Variants in PAPPA2 observed in about 807,000 individuals in gnomAD.
PAPPA2 encodes the protein pappalysin-2.
PAPPA2 carries 86 observed loss-of-function variants against 176.4 expected under a neutral mutation model. The ratio of observed to expected loss-of-function variants is 0.49; its 90% CI spans 0.41 to 0.58. The LOEUF is 0.58. PAPPA2 is among the 20% of genes least tolerant of loss of function. The pLI is 0.00. For missense variants in PAPPA2, 2,073 were observed against 2,256.9 expected, an observed-to-expected ratio of 0.92 and a Z score of 1.65; for synonymous variants, 809 against 852.2, an observed-to-expected ratio of 0.95 and a Z score of 0.88.
At chr1:176,693,839 C>T (rs1660233137) in intron 6 of PAPPA2, among the ~76,000 whole-genome samples, 1 of 152,204 alleles carries the variant, frequency 6.6e-6, no homozygotes, top group South Asian at 2.1e-4. Flanking sequence ...GTCGAACTGC[C>T]TGAACAGCAA....
At chr1:176,623,656 T>TTTCTTTCTTTCC (rs1558479215) in intron 3 of PAPPA2, among the ~76,000 whole-genome samples, 1 of 128,836 alleles carries the variant, frequency 7.8e-6, no homozygotes, top group Non-Finnish European at 1.7e-5. Context: ...TCTTTCTTTC[T>TTTCTTTCTTTCC]TTCTTTCTTT....
chr1:176,623,618 C>T (rs904759450), intron 3 of PAPPA2, among the ~76,000 whole-genome samples: 5,281 of 73,560 alleles, frequency 0.072, 254 homozygotes, highest in African/African-American at 0.15. Context: ...TTCCTTCCTT[C>T]CTTCCTTTTT....
rs764059177 is a variant in PAPPA2 at position 176,842,474 on chromosome 1, C to T, written c.*20C>T. ...CAGTAACTGTGGGAACAAGCCCCTC[C>T]CTCCACTGCCTCAGAGGCAGTAAGA... On this transcript the variant is annotated 3_prime_UTR_variant, in exon 23 of 23. Coordinates refer to ENST00000367662, the MANE Select transcript of PAPPA2 (RefSeq NM_020318.3). The T allele has an allele frequency of 7.5e-6, 12 of 1,603,538 alleles. No homozygotes were observed. The highest frequency in any genetic ancestry group is 1.7e-5 in the Admixed American group (1 of 59,834).
intron 2 of PAPPA2, among the ~76,000 whole-genome samples, chr1:176,591,359 G>T (rs1178244475): frequency 6.6e-6 from 1 of 152,086 alleles, no homozygotes; most frequent in African/African-American, 2.4e-5. Context: ...ATGCCTTCTA[G>T]GAATCAAATT....
At chr1:176,691,892 A>G (rs1660134731) in intron 5 of PAPPA2, among the ~76,000 whole-genome samples, 1 of 152,194 alleles carries the variant, frequency 6.6e-6, no homozygotes, top group African/African-American at 2.4e-5. Flanking sequence ...CTTTAAGGTC[A>G]TGACCTTGCT....
intron 3 of PAPPA2, among the ~76,000 whole-genome samples, chr1:176,624,510 T>A (rs770028897): frequency 1.7e-4 from 26 of 152,218 alleles, no homozygotes; most frequent in Admixed American, 6.5e-4. Flanking sequence ...GTTAGCAAGG[T>A]ACTTAAGACC....
chr1:176,743,843 GA>G (rs1443938555), intron 14 of PAPPA2, among the ~76,000 whole-genome samples: 2 of 152,162 alleles, frequency 1.3e-5, no homozygotes, highest in East Asian at 3.8e-4. Context: ...TGAAAAAATT[GA>G]TTGTAACTTC....
At chr1:176,664,326 G>T (rs2102763197) in intron 3 of PAPPA2, among the ~76,000 whole-genome samples, 1 of 152,282 alleles carries the variant, frequency 6.6e-6, no homozygotes, top group Non-Finnish European at 1.5e-5. Context: ...GCTTTGCTTT[G>T]TCCAGTTTCT....
chr1:176,666,796 T>A (rs892728697), intron 3 of PAPPA2, among the ~76,000 whole-genome samples: 1 of 151,840 alleles, frequency 6.6e-6, no homozygotes, highest in South Asian at 2.1e-4. Context: ...GGAGAGGAGA[T>A]GGCCATAAAC....
At chr1:176,597,561 C>T (rs1264583670) in intron 3 of PAPPA2, among the ~76,000 whole-genome samples, 1 of 152,014 alleles carries the variant, frequency 6.6e-6, no homozygotes, top group Non-Finnish European at 1.5e-5. Context: ...GGAAGGATAG[C>T]ATTAGGAGAA....
At chr1:176,729,337 G>C (rs1381812417) in intron 12 of PAPPA2, among the ~76,000 whole-genome samples, 1 of 151,866 alleles carries the variant, frequency 6.6e-6, no homozygotes, top group African/African-American at 2.4e-5. Flanking sequence ...ATATTCCATT[G>C]GTCTTTTCAT....
At position 176,843,544 on chromosome 1, in the gene PAPPA2, C is replaced by A. The variant is rs945909095; in HGVS notation, c.*1090C>A. ...GCCCATTCTCTGATCACCAGGATTA[C>A]AGGAACTCACACACTCCTCATACTT... On this transcript the variant is annotated 3_prime_UTR_variant, in exon 23 of 23. Coordinates refer to ENST00000367662, the MANE Select transcript of PAPPA2 (RefSeq NM_020318.3). 6.6e-6 allele frequency: 1 copy of A among 152,188 alleles called. No individual in the cohort carries two copies. Among genetic ancestry groups the A allele is most frequent in the African/African-American group, 2.4e-5 (1 of 41,438 alleles). 9.4% of individuals were successfully genotyped at this position (152,188 alleles called of 1,614,324 possible).
chr1:176,578,515 C>T (rs1652780068), intron 2 of PAPPA2, among the ~76,000 whole-genome samples: 1 of 152,128 alleles, frequency 6.6e-6, no homozygotes, highest in African/African-American at 2.4e-5. Flanking sequence ...TACAACCCAT[C>T]CTTTCTTGTT....
chr1:176,776,160 G>A (rs1664450421), intron 17 of PAPPA2, among the ~76,000 whole-genome samples: 1 of 151,982 alleles, frequency 6.6e-6, no homozygotes, highest in Non-Finnish European at 1.5e-5. Context: ...CTTGTATTTT[G>A]TCAATAAAAC....
At chr1:176,598,910 T>C (rs1654130452) in intron 3 of PAPPA2, among the ~76,000 whole-genome samples, 1 of 152,160 alleles carries the variant, frequency 6.6e-6, no homozygotes, top group Non-Finnish European at 1.5e-5. Flanking sequence ...CTTAATTTAC[T>C]ACCTTATTTT....
At chr1:176,840,110 T>C (rs1667428611) in intron 21 of PAPPA2, 63 bp from the exon 22 acceptor site, 1 of 1,300,798 alleles carries the variant, frequency 7.7e-7, no homozygotes, top group Non-Finnish European at 1.1e-6. Flanking sequence ...ATGGGAGGAG[T>C]GGCAGAGTCA....
At chr1:176,715,169 C>T (rs991902294) in intron 12 of PAPPA2, among the ~76,000 whole-genome samples, 10 of 152,174 alleles carry the variant, frequency 6.6e-5, no homozygotes, top group East Asian at 1.9e-4. Context: ...ACTAATAATT[C>T]TATCTTTAGT....
At position 176,692,265 on chromosome 1, in the gene PAPPA2, C is replaced by A; in HGVS notation, c.2571C>A (p.Asn857Lys). ...CACCTATGGTCATCGGACAGACCAA[C>A]AAGTCCCTCACTATCCACTGGCTGC... is the stretch of plus-strand genomic sequence containing the variant. ...PIPPMVIGQT[N>K]KSLTIHWLPP... Residue 857 changes from asparagine (N) to lysine (K), a missense_variant, in exon 6 of 23, where the codon AAC becomes AAA. Around this residue, in one of 4 missense-constraint regions of PAPPA2, gnomAD observed 1,196 missense variants for 1,330.4 expected, o/e 0.90. Transcript: ENST00000367662. 1.2e-6 allele frequency: 2 copies of A among 1,614,062 alleles called. No individual in the cohort carries two copies. The highest frequency in any genetic ancestry group is 1.7e-6 in the Non-Finnish European group (2 of 1,179,916).
chr1:176,714,570 A>G lies in PAPPA2; in HGVS notation c.3798+2589A>G, dbSNP rs6679237. 7.2e-3 allele frequency among the ~76,000 whole-genome samples: 1,097 copies of G among 152,276 alleles called. 5 individuals carry two copies. Among genetic ancestry groups the G allele is most frequent in the Non-Finnish European group, 0.011 (773 of 68,026 alleles). On this transcript the variant is annotated intron_variant, in intron 12 of 22. Coordinates refer to ENST00000367662, the MANE Select transcript of PAPPA2 (RefSeq NM_020318.3). ...TTTTTTAATGAGTCACAGGCACCAT[A>G]ACCTACATCTGCGGAAGAAGCCATG...
Sources: gnomAD v4.1 joint callset for allele counts (sites outside exome capture counted in the v4.1 genomes callset) on GRCh38, gnomAD v4.1.1 for gene constraint, gnomAD v4.1.1 regional missense constraint, MANE v1.5 for transcripts, NCBI Gene and HGNC (gene_info 2026-07-23, HGNC 2026-07-21) for gene names.